The following FBXO31 variants were observed in gnomAD, a reference collection of about 807,000 sequenced individuals.
FBXO31 encodes the protein F-box protein 31.
FBXO31 carries 24 observed loss-of-function variants against 54.4 expected under a neutral mutation model. The ratio of observed to expected loss-of-function variants is 0.44; its 90% confidence interval spans 0.32 to 0.62. The LOEUF (loss-of-function observed/expected upper bound fraction) is 0.62, where lower values mean the gene tolerates loss of function less well. Among genes scored for constraint, FBXO31 ranks in the 20% least tolerant of loss-of-function variants. The pLI, the probability that FBXO31 is intolerant of heterozygous loss-of-function variation, is 0.05. For synonymous variants in FBXO31, 388 were observed against 335.6 expected, an observed-to-expected ratio of 1.16 and a Z score of -1.71; for missense variants, 665 against 787.1, an observed-to-expected ratio of 0.84 and a Z score of 1.86.
rs1227632917 is a variant in FBXO31, at chr16:87,327,382, G to A, written c.*3906C>T. On this transcript the variant is annotated 3_prime_UTR_variant, in exon 9 of 9. Transcript: ENST00000311635. ...TTCAAAGACAGGCCCCAAGGCTGGG[G>A]CGCAGGGGCTCACGCCTGTAATCCC... 1 of 152,720 alleles carries A rather than the reference G, an allele frequency of 6.5e-6. No individual in the cohort carries two copies. Among genetic ancestry groups the A allele is most frequent in the East Asian group, 1.9e-4 (1 of 5,194 alleles). 9.5% of individuals were successfully genotyped at this position (152,720 alleles called of 1,614,324 possible). A position where few individuals can be genotyped will look rare whatever the true frequency, so the allele number is the denominator to read the frequency against.
At chr16:87,379,634 A>G (rs1317420600) in intron 1 of FBXO31, among the ~76,000 whole-genome samples, 2 of 152,116 alleles carry the variant, frequency 1.3e-5, no homozygotes, top group East Asian at 3.9e-4. Flanking sequence ...AACACTGCAT[A>G]CCTGTGTCTG....
At chr16:87,347,468 C>G (rs1316782452) in intron 2 of FBXO31, among the ~76,000 whole-genome samples, 7 of 152,106 alleles carry the variant, frequency 4.6e-5, no homozygotes, top group African/African-American at 7.2e-5. Context: ...ATTACAAGGT[C>G]AGGAGATTCA....
chr16:87,335,945 C>A lies in FBXO31; in HGVS notation c.842+210G>T, dbSNP rs1905034092. On this transcript the variant is annotated intron_variant, in intron 6 of 8. Transcript: ENST00000311635. This position sits in a 1 kb window ranked among gnomAD's most constrained non-coding sequence, Gnocchi z 5.7. ...CTCCCAGCACCCACAGAGAGAGGGG[C>A]TGTGTTCCAAGTACCCACAGAAAGA... Among the ~76,000 whole-genome samples the A allele has an allele frequency of 6.6e-6, 1 of 151,944 alleles. No homozygotes were observed. The highest frequency in any genetic ancestry group is 2.4e-5 in the African/African-American group (1 of 41,364).
At chr16:87,341,114 T>A (rs1428259200) in intron 5 of FBXO31, among the ~76,000 whole-genome samples, 1 of 152,106 alleles carries the variant, frequency 6.6e-6, no homozygotes, top group Non-Finnish European at 1.5e-5. Context: ...AGCAATACCT[T>A]CCCTCTCACC....
intron 8 of FBXO31, among the ~76,000 whole-genome samples, chr16:87,333,469 C>G (rs1294869811): frequency 6.6e-6 from 1 of 152,186 alleles, no homozygotes; most frequent in Non-Finnish European, 1.5e-5. Flanking sequence ...GACGGGCTTT[C>G]CACAGGGTGG....
chr16:87,377,440 AC>A (rs1188375913), intron 1 of FBXO31, among the ~76,000 whole-genome samples: 1 of 152,128 alleles, frequency 6.6e-6, no homozygotes, highest in Non-Finnish European at 1.5e-5. Flanking sequence ...CACGAGGGAG[AC>A]CCTGTCTCAA....
At chr16:87,355,301 CCCAAAATACTCAGAAG>C (rs1247814953) in intron 2 of FBXO31, among the ~76,000 whole-genome samples, 2 of 152,194 alleles carry the variant, frequency 1.3e-5, no homozygotes, top group Non-Finnish European at 2.9e-5. Flanking sequence ...CACGCACGGC[CCCAAAATACTCAGAAG>C]CCAATCAGGG....
chr16:87,365,035 A>ATATATATATATATATATCTATATC (rs1567482806), intron 1 of FBXO31, among the ~76,000 whole-genome samples: 1 of 104,224 alleles, frequency 9.6e-6, no homozygotes, highest in Non-Finnish European at 2.0e-5. Context: ...ATATATATAT[A>ATATATATATATATATATCTATATC]TATATCAGGC....
At chr16:87,370,919 G>C (rs909216121) in intron 1 of FBXO31, among the ~76,000 whole-genome samples, 1 of 152,234 alleles carries the variant, frequency 6.6e-6, no homozygotes, top group Non-Finnish European at 1.5e-5. Context: ...TAAAAAGGAA[G>C]TTAAGGCACA....
intron 1 of FBXO31, among the ~76,000 whole-genome samples, chr16:87,365,409 C>T (rs1411243218): frequency 6.6e-6 from 1 of 152,160 alleles, no homozygotes; most frequent in Non-Finnish European, 1.5e-5. Context: ...CTAATTGTAA[C>T]AGGAAGGAAT....
Position 87,331,285 on chromosome 16 carries a change from C to G in FBXO31, c.*3G>C. 6.2e-7 allele frequency: 1 copy of G among 1,612,150 alleles called. No homozygotes were observed. Among genetic ancestry groups the G allele is most frequent in the Non-Finnish European group, 8.5e-7 (1 of 1,178,574 alleles). The stretch of plus-strand genomic sequence containing the variant: ...CGGGATGTGGCGGCAAGGATGTGGC[C>G]GGTCAGGAGGTGAGGGACTGAATGT... On this transcript the variant is annotated 3_prime_UTR_variant, in exon 9 of 9. Transcript: ENST00000311635.
chr16:87,361,208 C>A (rs1395084372), intron 1 of FBXO31, among the ~76,000 whole-genome samples: 1 of 152,242 alleles, frequency 6.6e-6, no homozygotes, highest in East Asian at 1.9e-4. Flanking sequence ...CTGGGCATCA[C>A]CTCACTGCAT....
intron 2 of FBXO31, 95 bp downstream of exon 2, chr16:87,360,200 T>A: frequency 1.0e-5 from 12 of 1,187,138 alleles, no homozygotes; most frequent in Admixed American, 3.6e-5. Context: ...AAAACAAAAG[T>A]GTGGACTAAA....
chr16:87,373,843 C>A (rs1182149503), intron 1 of FBXO31, among the ~76,000 whole-genome samples: 1 of 152,212 alleles, frequency 6.6e-6, no homozygotes, highest in Non-Finnish European at 1.5e-5. Context: ...CTTCTGCATT[C>A]AAAAACAACA....
rs901559726 is a variant in FBXO31 at position 87,346,266 on chromosome 16, G to A, written c.489+908C>T. On this transcript the variant is annotated intron_variant, in intron 3 of 8. Coordinates refer to ENST00000311635, the MANE Select transcript of FBXO31 (RefSeq NM_024735.5). This position sits in a 1 kb window ranked among gnomAD's most constrained non-coding sequence, Gnocchi z 4.2. ...ACTTTGCCCGCAGGCCGGGGCCAGG[G>A]CCTCTTGAGGAGACCAGGCCACGGC... Among the ~76,000 whole-genome samples, 1 of 151,946 alleles carries A rather than the reference G, an allele frequency of 6.6e-6. No individual in the cohort carries two copies. The highest frequency in any genetic ancestry group is 1.5e-5 in the Non-Finnish European group (1 of 67,968).
intron 2 of FBXO31, among the ~76,000 whole-genome samples, chr16:87,355,764 G>A (rs934579347): frequency 1.3e-5 from 2 of 152,262 alleles, no homozygotes; most frequent in African/African-American, 4.8e-5. Context: ...GCGTGGGGAG[G>A]AGGTCTCTTC....
At chr16:87,380,184 G>C (rs1907013126) in intron 1 of FBXO31, among the ~76,000 whole-genome samples, 1 of 148,938 alleles carries the variant, frequency 6.7e-6, no homozygotes, top group Non-Finnish European at 1.5e-5. Flanking sequence ...TGTAGTCCCA[G>C]CTACTTAAGA....
At chr16:87,366,814 G>A (rs1567483678) in intron 1 of FBXO31, among the ~76,000 whole-genome samples, 1 of 152,180 alleles carries the variant, frequency 6.6e-6, no homozygotes, top group Admixed American at 6.5e-5. Context: ...TGCAAAGAAA[G>A]GGGCACACAC....
chr16:87,334,391 G>A, intron 7 of FBXO31, 105 bp from the exon 8 acceptor site: 1 of 1,068,898 alleles, frequency 9.4e-7, no homozygotes, highest in Non-Finnish European at 1.3e-6. Context: ...GCTGGCACCA[G>A]CCCTCCTACT....
Sources: allele counts gnomAD v4.1 joint callset (sites outside exome capture counted in the v4.1 genomes callset), GRCh38; gene constraint gnomAD v4.1.1; non-coding constraint Gnocchi (gnomAD v3.1); transcripts MANE v1.5; gene names NCBI Gene and HGNC (gene_info 2026-07-23, HGNC 2026-07-21).